Variants in TOX3 observed in about 807,000 individuals in gnomAD.
TOX3 encodes CAG trinucleotide repeat-containing gene F9 protein.
TOX3 carries 22 observed loss-of-function variants against 64.3 expected under a neutral mutation model. The observed-to-expected ratio is 0.34, with a 90% CI of 0.24 to 0.49. The LOEUF (loss-of-function observed/expected upper bound fraction) is 0.49. Among genes scored for constraint, TOX3 ranks in the 20% least tolerant of loss-of-function variants. The pLI is 0.99. For synonymous variants in TOX3, 291 were observed against 273.6 expected, an observed-to-expected ratio of 1.06 and a Z score of -0.63; for missense variants, 661 against 714.4, an observed-to-expected ratio of 0.93 and a Z score of 0.85.
intron 1 of TOX3, among the ~76,000 whole-genome samples, chr16:52,539,994 C>A (rs1260798029): frequency 6.6e-6 from 1 of 152,110 alleles, no homozygotes; most frequent in Non-Finnish European, 1.5e-5. Flanking sequence ...CTCCCGGTCT[C>A]TCCTACTCTT....
chr16:52,450,595 T>A, intron 3 of TOX3, 49 bp from the exon 4 acceptor site: 1 of 1,608,534 alleles, frequency 6.2e-7, no homozygotes, highest in Non-Finnish European at 8.5e-7. Flanking sequence ...TTTCCAGATA[T>A]CAGTGAACTT....
intron 1 of TOX3, among the ~76,000 whole-genome samples, chr16:52,483,752 A>G (rs955134779): frequency 2.0e-5 from 3 of 150,960 alleles, no homozygotes; most frequent in African/African-American, 7.3e-5. Flanking sequence ...TATTTTTATT[A>G]GAGACAGGGT....
rs1959773435 is a variant in TOX3 at position 52,437,099 on chromosome 16, T to C, written c.*2126A>G. ...ACAATCACTCCCTTGTAGATGTAAT[T>C]AGGCATCATTCTAAGGCTGTTTGAA... On this transcript the variant is annotated 3_prime_UTR_variant, in exon 7 of 7. Transcript: ENST00000219746. 6.6e-6 allele frequency: 1 copy of C among 152,246 alleles called. No homozygotes were observed. Among genetic ancestry groups the C allele is most frequent in the Middle Eastern group, 3.2e-3 (1 of 316 alleles). 9.4% of individuals were successfully genotyped at this position (152,246 alleles called of 1,614,324 possible).
At chr16:52,456,156 TCA>T (rs1207229611) in intron 3 of TOX3, among the ~76,000 whole-genome samples, 1 of 152,220 alleles carries the variant, frequency 6.6e-6, no homozygotes, top group Non-Finnish European at 1.5e-5. Context: ...TGGATTATAT[TCA>T]CAGTGTAGAA....
At chr16:52,512,140 G>A (rs1962329757) in intron 1 of TOX3, among the ~76,000 whole-genome samples, 1 of 152,174 alleles carries the variant, frequency 6.6e-6, no homozygotes, top group Admixed American at 6.5e-5. Flanking sequence ...TGCCCATGAA[G>A]ATAGCAAGGT....
chr16:52,495,480 T>G lies in TOX3; in HGVS notation c.88-26906A>C, dbSNP rs1447760179. On this transcript the variant is annotated intron_variant, in intron 1 of 6. Transcript: ENST00000219746. ...GGCAGACCTTAATAACAGTAGCATT[T>G]ATTGGCATTTCAGCACATTTCACCT... 2.0e-5 allele frequency among the ~76,000 whole-genome samples: 3 copies of G among 152,184 alleles called. No homozygotes were observed. The East Asian group carries it at 5.8e-4, about 29-fold the overall frequency.
intron 1 of TOX3, among the ~76,000 whole-genome samples, chr16:52,498,595 G>A (rs549267464): frequency 1.3e-5 from 2 of 152,098 alleles, no homozygotes; most frequent in African/African-American, 2.4e-5. Flanking sequence ...GGTTGGGGGG[G>A]GGAGGCTGTA....
At chr16:52,441,821 T>A (rs1959999257) in intron 6 of TOX3, among the ~76,000 whole-genome samples, 1 of 152,166 alleles carries the variant, frequency 6.6e-6, no homozygotes, top group Non-Finnish European at 1.5e-5. Flanking sequence ...GGCACTCCCC[T>A]TCAGTGGGCA....
At chr16:52,545,870 C>G (rs1354389766) in intron 1 of TOX3, among the ~76,000 whole-genome samples, 1 of 152,132 alleles carries the variant, frequency 6.6e-6, no homozygotes, top group Non-Finnish European at 1.5e-5. Context: ...AGGTCCACCT[C>G]GCCACCTGGA....
At chr16:52,494,380 A>G (rs1315643439) in intron 1 of TOX3, among the ~76,000 whole-genome samples, 3 of 152,206 alleles carry the variant, frequency 2.0e-5, no homozygotes, top group Non-Finnish European at 4.4e-5. Flanking sequence ...CAAGGCCTCC[A>G]CCGGCCTGGG....
intron 1 of TOX3, among the ~76,000 whole-genome samples, chr16:52,528,390 G>C (rs145462924): frequency 6.6e-6 from 1 of 151,824 alleles, no homozygotes; most frequent in Non-Finnish European, 1.5e-5. Flanking sequence ...AGTGTGTGCT[G>C]TGGGCAAGAC....
intron 6 of TOX3, among the ~76,000 whole-genome samples, chr16:52,440,274 T>C (rs746855283): frequency 9.9e-5 from 15 of 152,210 alleles, no homozygotes; most frequent in Admixed American, 3.3e-4. Flanking sequence ...ATGACAGACA[T>C]GTGGCCCAAT....
intron 1 of TOX3, among the ~76,000 whole-genome samples, chr16:52,533,961 G>C (rs765937531): frequency 1.3e-5 from 2 of 152,276 alleles, no homozygotes; most frequent in African/African-American, 2.4e-5. Flanking sequence ...GAAAGATCTG[G>C]TCCCTGAATG....
chr16:52,461,276 G>A (rs778414038), intron 3 of TOX3, among the ~76,000 whole-genome samples: 1 of 152,030 alleles, frequency 6.6e-6, no homozygotes, highest in Non-Finnish European at 1.5e-5. Flanking sequence ...TAAAATACAC[G>A]TATTCACGAC....
intron 2 of TOX3, among the ~76,000 whole-genome samples, chr16:52,467,021 T>C (rs1445665823): frequency 1.3e-5 from 2 of 152,224 alleles, no homozygotes; most frequent in African/African-American, 4.8e-5. Flanking sequence ...TTTACAGATA[T>C]TGACTTTTCA....
intron 3 of TOX3, among the ~76,000 whole-genome samples, chr16:52,457,463 C>G (rs1960554337): frequency 6.6e-6 from 1 of 151,998 alleles, no homozygotes; most frequent in Non-Finnish European, 1.5e-5. Context: ...GCATAACATC[C>G]AATTAAGAAG....
rs1379231704 is a variant in TOX3, at chr16:52,439,269, A to G, written c.1687T>C (p.Ser563Pro). 2.5e-6 allele frequency: 4 copies of G among 1,613,822 alleles called. No homozygotes were observed. The highest frequency in any genetic ancestry group is 3.4e-6 in the Non-Finnish European group (4 of 1,179,850). ...GATAATACTTGAGTCTGTGTCTGAG[A>G]CTGTATTTGCGACTGGTGCTGCTGA... ...ASQQHQSQIQ[S>P]QTQTQVLSQV... The change falls in exon 7 of 7, where the codon TCT (serine) becomes CCT (proline). Residue 563 changes from serine (S) to proline (P), a missense_variant. Around this residue, in one of 3 missense-constraint regions of TOX3, gnomAD observed 299 missense variants for 292.1 expected, o/e 1.02. Coordinates refer to ENST00000219746, the MANE Select transcript of TOX3 (RefSeq NM_001080430.4).
At chr16:52,440,821 C>T (rs147331702) in intron 6 of TOX3, among the ~76,000 whole-genome samples, 4,882 of 133,886 alleles carry the variant, frequency 0.036, 200 homozygotes, top group African/African-American at 0.11. Flanking sequence ...AGTGCAGCGG[C>T]GCGATCTCAG....
chr16:52,501,603 T>C (rs373985090), intron 1 of TOX3, among the ~76,000 whole-genome samples: 2 of 151,230 alleles, frequency 1.3e-5, no homozygotes, highest in South Asian at 4.2e-4. Context: ...GAGGTTTCAG[T>C]GAGTCGACAC....
Sources: allele counts gnomAD v4.1 joint callset (sites outside exome capture counted in the v4.1 genomes callset), GRCh38; gene constraint gnomAD v4.1.1; regional missense constraint gnomAD v4.1.1; transcripts MANE v1.5; gene names NCBI Gene and HGNC (gene_info 2026-07-23, HGNC 2026-07-21).